Variants in HDAC9 observed in about 807,000 individuals in gnomAD.
HDAC9 encodes histone deacetylase 9.
A neutral mutation model predicts 139.4 loss-of-function variants in HDAC9; 41 were observed. The ratio of observed to expected loss-of-function variants is 0.29; its 90% CI spans 0.23 to 0.38. The LOEUF is 0.38. Among genes scored for constraint, HDAC9 ranks in the 10% least tolerant of loss-of-function variants. HDAC9 has a pLI of 1.00. For missense variants in HDAC9, 1,147 were observed against 1,297.0 expected (o/e 0.88, Z 1.78); for synonymous variants, 517 against 476.2 (o/e 1.09, Z -1.12).
chr7:18,267,853 T>C (rs1369113499), intron 2 of HDAC9, among the ~76,000 whole-genome samples: 1 of 152,144 alleles, frequency 6.6e-6, no homozygotes, highest in Non-Finnish European at 1.5e-5. Context: ...TATTTTGTGC[T>C]TCTGCTTCTG....
At chr7:18,944,630 T>C (rs1255341782) in intron 23 of HDAC9, among the ~76,000 whole-genome samples, 2 of 152,104 alleles carry the variant, frequency 1.3e-5, no homozygotes, top group African/African-American at 4.8e-5. Context: ...ATCACAGAGA[T>C]CACATATGTA....
chr7:18,156,882 T>C (rs1050372316), intron 1 of HDAC9, among the ~76,000 whole-genome samples: 4 of 152,128 alleles, frequency 2.6e-5, no homozygotes, highest in Non-Finnish European at 4.4e-5. Flanking sequence ...CCCAGCACTT[T>C]GTGAGGCTGA....
intron 1 of HDAC9, among the ~76,000 whole-genome samples, chr7:18,488,334 A>C (rs1352640360): frequency 6.6e-6 from 1 of 152,068 alleles, no homozygotes; most frequent in Non-Finnish European, 1.5e-5. Context: ...AAGGAAAAGC[A>C]AGGTTTTCTA....
chr7:18,597,826 A>G (rs146942796), intron 6 of HDAC9, among the ~76,000 whole-genome samples: 1 of 152,176 alleles, frequency 6.6e-6, no homozygotes, highest in South Asian at 2.1e-4. Flanking sequence ...TGCACAAGCC[A>G]TGTAAAGCTT....
chr7:18,680,097 A>G (rs539215142), intron 12 of HDAC9, among the ~76,000 whole-genome samples: 2 of 152,026 alleles, frequency 1.3e-5, no homozygotes, highest in Non-Finnish European at 2.9e-5. Context: ...AATGGGACCT[A>G]CGAACCCAGG....
At chr7:18,952,146 T>C (rs760505904) in intron 23 of HDAC9, among the ~76,000 whole-genome samples, 20 of 151,804 alleles carry the variant, frequency 1.3e-4, no homozygotes, top group Non-Finnish European at 2.5e-4. Context: ...GTTTGGGAGG[T>C]TTAAATGATC....
At position 18,793,393 on chromosome 7, in the gene HDAC9, C is replaced by T. The variant is rs1489191203; in HGVS notation, c.2263C>T (p.Arg755Cys). The change falls in exon 17 of 26, where the codon CGC becomes TGC. Residue 755 changes from arginine (R) to cysteine (C), a missense_variant. Arg to Cys is a radical substitution (Grantham distance 180). Coordinates refer to ENST00000686413, the MANE Select transcript of HDAC9 (RefSeq NM_178425.4). ...WNELHSSGAA[R>C]MAVGCVIELA... is the part of the protein sequence containing the mutation. ...TGAGCTACACTCGTCCGGTGCTGCA[C>T]GCATGGCTGTTGGCTGTGTCATCGA... 9 of 1,586,978 alleles carry T rather than the reference C, an allele frequency of 5.7e-6. No homozygotes were observed. The highest frequency in any genetic ancestry group is 6.9e-6 in the Non-Finnish European group (8 of 1,166,734).
intron 17 of HDAC9, among the ~76,000 whole-genome samples, chr7:18,793,719 C>T (rs1393562585): frequency 6.6e-6 from 1 of 152,112 alleles, no homozygotes; most frequent in Non-Finnish European, 1.5e-5. Context: ...ATAAGCAAAG[C>T]TATGGTTCAG....
At chr7:18,130,903 C>A (rs1369651717) in intron 1 of HDAC9, among the ~76,000 whole-genome samples, 1 of 152,088 alleles carries the variant, frequency 6.6e-6, no homozygotes, top group Non-Finnish European at 1.5e-5. Context: ...TGTTTCCCTA[C>A]ACCATTAGCA....
chr7:18,578,271 C>T (rs1826652269), intron 2 of HDAC9: 1 of 517,928 alleles, frequency 1.9e-6, no homozygotes, highest in Non-Finnish European at 3.9e-6. Flanking sequence ...CACACAATGA[C>T]ATCGAAGGTG....
chr7:18,328,489 C>T (rs919335381), intron 1 of HDAC9, among the ~76,000 whole-genome samples: 3 of 151,880 alleles, frequency 2.0e-5, no homozygotes, highest in South Asian at 4.1e-4. Context: ...AGAATACACA[C>T]GTAAACCCAC....
At position 18,659,794 on chromosome 7, in the gene HDAC9, C is replaced by A. The variant is rs940434721; in HGVS notation, c.1468-6419C>A. Among the ~76,000 whole-genome samples, 21 of 152,134 alleles carry A rather than the reference C, an allele frequency of 1.4e-4. 1 individual carries two copies. The highest frequency in any genetic ancestry group is 1.2e-3 in the Admixed American group (18 of 15,260). On this transcript the variant is annotated intron_variant, in intron 11 of 25. Coordinates refer to ENST00000686413, the MANE Select transcript of HDAC9 (RefSeq NM_178425.4). Reference sequence around the variant, plus strand: ...TACAGATGAGGCCTCAGCAGAGATTCACACAGGCTTGCACATTTATCTGTC... The same window carrying A: ...TACAGATGAGGCCTCAGCAGAGATTAACACAGGCTTGCACATTTATCTGTC...
chr7:18,089,124 A>G (rs1280579708), intron 1 of HDAC9, among the ~76,000 whole-genome samples: 1 of 152,224 alleles, frequency 6.6e-6, no homozygotes, highest in Non-Finnish European at 1.5e-5. Flanking sequence ...TTACTACAAA[A>G]TGGACACGGT....
At chr7:18,485,987 G>A (rs1586229202) in intron 1 of HDAC9, among the ~76,000 whole-genome samples, 2 of 152,124 alleles carry the variant, frequency 1.3e-5, no homozygotes, top group East Asian at 3.9e-4. Context: ...TTTATTTACA[G>A]TTCTGGAGGC....
intron 1 of HDAC9, among the ~76,000 whole-genome samples, chr7:18,097,500 C>T (rs1427905526): frequency 2.1e-5 from 3 of 145,348 alleles, no homozygotes; most frequent in African/African-American, 5.0e-5. Flanking sequence ...GGTTATCTTG[C>T]GTTTGCTTGT....
intron 6 of HDAC9, among the ~76,000 whole-genome samples, chr7:18,627,828 T>C (rs1842107695): frequency 6.6e-6 from 1 of 152,164 alleles, no homozygotes; most frequent in African/African-American, 2.4e-5. Flanking sequence ...CTTTTCAGTA[T>C]TTTCAAGCAT....
chr7:18,524,993 A>C (rs990803860), intron 2 of HDAC9, among the ~76,000 whole-genome samples: 7 of 152,114 alleles, frequency 4.6e-5, no homozygotes, highest in Non-Finnish European at 8.8e-5. Flanking sequence ...TATACTACCC[A>C]AGAAATCTTA....
chr7:18,284,138 A>G (rs1428610180), intron 2 of HDAC9, among the ~76,000 whole-genome samples: 4 of 152,184 alleles, frequency 2.6e-5, no homozygotes, highest in Non-Finnish European at 5.9e-5. Flanking sequence ...TGTGTAGTGT[A>G]GGATAATGAG....
Position 18,583,783 on chromosome 7 carries a change from G to A in HDAC9, c.23-1498G>A, listed in dbSNP as rs574180466. The stretch of plus-strand genomic sequence containing the variant: ...AAAAAATCTTTCAGTTTAATTTTCA[G>A]TTAACAGTTATTTCTGTCTACACTG... On this transcript the variant is annotated intron_variant, in intron 2 of 25. Coordinates refer to ENST00000686413, the MANE Select transcript of HDAC9 (RefSeq NM_178425.4). 7.9e-5 allele frequency among the ~76,000 whole-genome samples: 12 copies of A among 152,118 alleles called. No homozygotes were observed. The East Asian group carries it at 2.3e-3, about 29-fold the overall frequency.
Sources: allele counts gnomAD v4.1 joint callset (sites outside exome capture counted in the v4.1 genomes callset), GRCh38; gene constraint gnomAD v4.1.1; transcripts MANE v1.5; gene names NCBI Gene and HGNC (gene_info 2026-07-23, HGNC 2026-07-21).